Variants in SYNDIG1 observed in about 807,000 individuals in gnomAD.
SYNDIG1 encodes the protein synapse differentiation-inducing gene protein 1.
In SYNDIG1, 9 loss-of-function variants were observed where a neutral mutation model predicts 19.4. The observed-to-expected ratio is 0.46, with a 90% CI of 0.28 to 0.81. The LOEUF (loss-of-function observed/expected upper bound fraction) is 0.81. SYNDIG1 is among the 30% of genes least tolerant of loss of function. The probability of loss-of-function intolerance (pLI) is 0.12; values close to 1 mark genes in which losing one functional copy is unlikely to be tolerated. For missense variants in SYNDIG1, 311 were observed against 343.3 expected (o/e 0.91, Z 0.74); for synonymous variants, 141 against 145.9 (o/e 0.97, Z 0.24).
intron 3 of SYNDIG1, among the ~76,000 whole-genome samples, chr20:24,626,150 C>T (rs576758286): frequency 1.2e-3 from 182 of 147,432 alleles, no homozygotes; most frequent in African/African-American, 4.3e-3. Flanking sequence ...CCGGACGGGG[C>T]GGCTGGCCGG....
intron 3 of SYNDIG1, among the ~76,000 whole-genome samples, chr20:24,652,547 G>A (rs749848762): frequency 6.6e-6 from 1 of 152,184 alleles, no homozygotes; most frequent in Non-Finnish European, 1.5e-5. Flanking sequence ...GTTTCCAAGT[G>A]ACCAAATGTG....
At position 24,488,335 on chromosome 20, in the gene SYNDIG1, C is replaced by T. The variant is rs114515201; in HGVS notation, c.-79+18582C>T. 9.9e-3 allele frequency among the ~76,000 whole-genome samples: 1,515 copies of T among 152,340 alleles called. 22 individuals carry two copies. The highest frequency in any genetic ancestry group is 0.032 in the African/African-American group (1,340 of 41,578). On this transcript the variant is annotated intron_variant, in intron 1 of 3. Transcript: ENST00000376862. Reference sequence around the variant, plus strand: ...GAACCAGACGTGAGAGCCAAACAGACGTTTCCCATTTGTGCACACATACAA... The same window carrying T: ...GAACCAGACGTGAGAGCCAAACAGATGTTTCCCATTTGTGCACACATACAA...
intron 3 of SYNDIG1, among the ~76,000 whole-genome samples, chr20:24,635,634 A>G (rs1433246061): frequency 1.3e-5 from 2 of 152,212 alleles, no homozygotes; most frequent in African/African-American, 4.8e-5. Context: ...GTACCTTTTT[A>G]TAAGCTTTTT....
chr20:24,579,068 C>G (rs994728607), intron 2 of SYNDIG1, among the ~76,000 whole-genome samples: 1 of 152,104 alleles, frequency 6.6e-6, no homozygotes, highest in East Asian at 1.9e-4. Context: ...TTAAACATTC[C>G]ACAACAAACT....
At chr20:24,522,677 T>C (rs1351846269) in intron 1 of SYNDIG1, among the ~76,000 whole-genome samples, 1 of 152,140 alleles carries the variant, frequency 6.6e-6, no homozygotes, top group Admixed American at 6.5e-5. Flanking sequence ...TGTGTTGCTG[T>C]AAGGGAATAC....
At chr20:24,475,226 C>T (rs1231414271) in intron 1 of SYNDIG1, among the ~76,000 whole-genome samples, 2 of 152,196 alleles carry the variant, frequency 1.3e-5, no homozygotes, top group Non-Finnish European at 2.9e-5. Flanking sequence ...GACAGTTTCC[C>T]AGTGGAAACC....
intron 3 of SYNDIG1, among the ~76,000 whole-genome samples, chr20:24,609,780 A>G (rs2058817977): frequency 6.6e-6 from 1 of 152,086 alleles, no homozygotes; most frequent in African/African-American, 2.4e-5. Context: ...CTTAACATTC[A>G]TATCTCAGCT....
At chr20:24,642,503 A>T (rs2059388180) in intron 3 of SYNDIG1, among the ~76,000 whole-genome samples, 1 of 152,180 alleles carries the variant, frequency 6.6e-6, no homozygotes, top group Non-Finnish European at 1.5e-5. Context: ...GCACTTAGAT[A>T]AATGTTTTGG....
At chr20:24,600,451 G>T (rs1157865938) in intron 3 of SYNDIG1, among the ~76,000 whole-genome samples, 1 of 152,086 alleles carries the variant, frequency 6.6e-6, no homozygotes, top group African/African-American at 2.4e-5. Context: ...AGAAGGACTA[G>T]CACCTTCCAG....
At chr20:24,586,026 C>T (rs763805576) in intron 3 of SYNDIG1, among the ~76,000 whole-genome samples, 1 of 152,212 alleles carries the variant, frequency 6.6e-6, no homozygotes, top group Admixed American at 6.5e-5. Context: ...GTTTGTTGGA[C>T]GAGTGAGAGG....
At chr20:24,555,517 T>C (rs188232139) in intron 2 of SYNDIG1, among the ~76,000 whole-genome samples, 2,247 of 152,290 alleles carry the variant, frequency 0.015, 59 homozygotes, top group African/African-American at 0.051. Context: ...TTTGTTCTCG[T>C]TGGTTTCAAA....
intron 1 of SYNDIG1, among the ~76,000 whole-genome samples, chr20:24,506,763 C>T (rs1423368565): frequency 1.3e-5 from 2 of 152,150 alleles, no homozygotes; most frequent in Non-Finnish European, 1.5e-5. Context: ...CCTGGCAAGC[C>T]GTGTTATTGT....
At chr20:24,661,485 GAA>G (rs2059593763) in intron 3 of SYNDIG1, among the ~76,000 whole-genome samples, 1 of 62,436 alleles carries the variant, frequency 1.6e-5, no homozygotes, top group Non-Finnish European at 4.0e-5. Flanking sequence ...GAAGAGGGAG[GAA>G]GAAGGGAGGG....
intron 3 of SYNDIG1, among the ~76,000 whole-genome samples, chr20:24,634,844 T>G (rs1055812279): frequency 1.3e-5 from 2 of 152,312 alleles, no homozygotes; most frequent in South Asian, 4.1e-4. Context: ...TCCTGGAGTA[T>G]CTTCAGTGGT....
intron 1 of SYNDIG1, among the ~76,000 whole-genome samples, chr20:24,521,878 T>A (rs2057012069): frequency 7.5e-6 from 1 of 133,880 alleles, no homozygotes; most frequent in Non-Finnish European, 1.6e-5. Context: ...CCAGCATGGG[T>A]GAAAAAGAAA....
intron 1 of SYNDIG1, among the ~76,000 whole-genome samples, chr20:24,541,033 A>G (rs1280803749): frequency 6.6e-6 from 1 of 152,188 alleles, no homozygotes; most frequent in South Asian, 2.1e-4. Context: ...ATCTCTATCT[A>G]TTGCCATAAA....
At chr20:24,663,780 C>CAT (rs2059624830) in intron 3 of SYNDIG1, among the ~76,000 whole-genome samples, 1 of 152,214 alleles carries the variant, frequency 6.6e-6, no homozygotes, top group Non-Finnish European at 1.5e-5. Flanking sequence ...CACCCCTTTG[C>CAT]ATAGCCCTGG....
At chr20:24,534,401 C>T (rs1263389703) in intron 1 of SYNDIG1, among the ~76,000 whole-genome samples, 1 of 152,202 alleles carries the variant, frequency 6.6e-6, no homozygotes, top group Non-Finnish European at 1.5e-5. Flanking sequence ...TCCGGGGCTC[C>T]TGCCTGGCCA....
At chr20:24,548,698 T>C (rs2057641011) in intron 2 of SYNDIG1, among the ~76,000 whole-genome samples, 1 of 152,216 alleles carries the variant, frequency 6.6e-6, no homozygotes, top group African/African-American at 2.4e-5. Flanking sequence ...GGGTTTTGTT[T>C]TGCTCATTTG....
Sources: gnomAD v4.1 joint callset for allele counts (sites outside exome capture counted in the v4.1 genomes callset) on GRCh38, gnomAD v4.1.1 for gene constraint, MANE v1.5 for transcripts, NCBI Gene and HGNC (gene_info 2026-07-23, HGNC 2026-07-21) for gene names.